The following EPAS1 variants were observed in gnomAD, a reference collection of about 807,000 sequenced individuals.
The protein encoded by EPAS1 is endothelial PAS domain-containing protein 1.
EPAS1 carries 23 observed loss-of-function variants against 87.9 expected under a neutral mutation model. The observed-to-expected ratio is 0.26, with a 90% CI of 0.19 to 0.37. The LOEUF (loss-of-function observed/expected upper bound fraction) is 0.37, where lower values mean the gene tolerates loss of function less well. Ranked by LOEUF, EPAS1 falls within the 10% of genes least tolerant of loss-of-function variation. EPAS1 has a pLI of 1.00. For missense variants in EPAS1, 1,138 were observed against 1,120.7 expected (o/e 1.02, Z -0.22); for synonymous variants, 508 against 444.3 (o/e 1.14, Z -1.80).
intron 7 of EPAS1, among the ~76,000 whole-genome samples, chr2:46,370,684 T>C (rs1684609959): frequency 6.6e-6 from 1 of 152,230 alleles, no homozygotes; most frequent in Admixed American, 6.5e-5. Flanking sequence ...CTGAACTTTA[T>C]ACAATGTAGT....
rs1432507899 is a variant in EPAS1, at chr2:46,380,016, T to C, written c.1555-211T>C. 9 of 727,074 alleles carry C rather than the reference T, an allele frequency of 1.2e-5. No individual in the cohort carries two copies. The East Asian group carries it at 1.8e-4, about 14-fold the overall frequency. 45.0% of individuals were successfully genotyped at this position (727,074 alleles called of 1,614,324 possible). A position where few individuals can be genotyped will look rare whatever the true frequency, so the allele number is the denominator to read the frequency against. Reference sequence around the variant, plus strand: ...GTGCAGGGTGAAGAGGGGATAAACATGGGGGAAGGCTGGTACATGATACAA... The same window carrying C: ...GTGCAGGGTGAAGAGGGGATAAACACGGGGGAAGGCTGGTACATGATACAA... On this transcript the variant is annotated intron_variant, in intron 11 of 15. Transcript: ENST00000263734. The surrounding 1 kb of genome is among the most constrained non-coding windows in gnomAD (Gnocchi z 4.4).
Position 46,382,700 on chromosome 2 carries a change from A to T in EPAS1, c.2461+102A>T, listed in dbSNP as rs1340900268. On this transcript the variant is annotated intron_variant, in intron 15 of 15. Coordinates refer to ENST00000263734, the MANE Select transcript of EPAS1 (RefSeq NM_001430.5). ...CGTCTGCACAGTGCCAGGCACAGGG[A>T]GGTGCTTGACTTGAAGTCACCTATA... The T allele has an allele frequency of 1.9e-5, 29 of 1,494,418 alleles. No homozygotes were observed. In the East Asian group the frequency reaches 6.6e-4, roughly 34 times the overall value. 92.6% of individuals were successfully genotyped at this position (1,494,418 alleles called of 1,614,324 possible).
rs543953666 is a variant in EPAS1, at chr2:46,298,257, T to A, written c.26+320T>A. 2.0e-5 allele frequency among the ~76,000 whole-genome samples: 3 copies of A among 152,342 alleles called. No individual in the cohort carries two copies. The South Asian group carries it at 6.2e-4, about 32-fold the overall frequency. On this transcript the variant is annotated intron_variant, in intron 1 of 15. Coordinates refer to ENST00000263734, the MANE Select transcript of EPAS1 (RefSeq NM_001430.5). ...AATCTCCCAGCCGCCCCGCAGCAGA[T>A]TACCGTGGCCACCGGCGCTTGGAAA...
At chr2:46,308,675 T>TATC (rs1683155716) in intron 1 of EPAS1, among the ~76,000 whole-genome samples, 1 of 152,188 alleles carries the variant, frequency 6.6e-6, no homozygotes, top group Admixed American at 6.5e-5. Context: ...GATACATAAC[T>TATC]TTATATCAGA....
chr2:46,314,621 A>G (rs986704633), intron 1 of EPAS1, among the ~76,000 whole-genome samples: 2 of 152,210 alleles, frequency 1.3e-5, no homozygotes, highest in East Asian at 1.9e-4. Context: ...GAGATCCCCA[A>G]TAGGGTTCTA....
intron 2 of EPAS1, among the ~76,000 whole-genome samples, chr2:46,350,504 C>T (rs1684126209): frequency 1.3e-5 from 2 of 152,180 alleles, no homozygotes; most frequent in South Asian, 4.1e-4. Context: ...GATTGAGATT[C>T]GTATCACAGG....
At chr2:46,345,191 G>C (rs573932493) in intron 1 of EPAS1, among the ~76,000 whole-genome samples, 1 of 152,148 alleles carries the variant, frequency 6.6e-6, no homozygotes, top group South Asian at 2.1e-4. Context: ...TATTGCCCGG[G>C]CTGGTCTTGA....
intron 14 of EPAS1, 146 bp downstream of exon 14, chr2:46,382,235 C>T: frequency 9.6e-7 from 1 of 1,046,648 alleles, no homozygotes; most frequent in Middle Eastern, 2.3e-4. Flanking sequence ...TCTGTCTCTC[C>T]CGCAGTCCCA....
At chr2:46,365,108 G>A (rs1046337758) in intron 6 of EPAS1, among the ~76,000 whole-genome samples, 1 of 152,220 alleles carries the variant, frequency 6.6e-6, no homozygotes, top group African/African-American at 2.4e-5. Flanking sequence ...AAGCCAAGCC[G>A]TCAGGGAGAT....
chr2:46,299,585 C>T (rs1018077397), intron 1 of EPAS1, among the ~76,000 whole-genome samples: 5 of 152,128 alleles, frequency 3.3e-5, no homozygotes, highest in Non-Finnish European at 7.3e-5. Flanking sequence ...CTTTCGGGTC[C>T]GGAGCCGGGG....
intron 6 of EPAS1, among the ~76,000 whole-genome samples, chr2:46,368,501 T>G (rs939947088): frequency 1.3e-5 from 2 of 152,130 alleles, no homozygotes; most frequent in African/African-American, 4.8e-5. Context: ...TTGGCAAAAG[T>G]GAAAGCTGTA....
At chr2:46,356,128 G>GGGGGGGGGGGC in intron 2 of EPAS1, 23 bp from the exon 3 acceptor site, 2 of 1,432,142 alleles carry the variant, frequency 1.4e-6, no homozygotes, top group Non-Finnish European at 1.9e-6. Flanking sequence ...CATGCAAGCT[G>GGGGGGGGGGGC]TCCCACCCCC....
At chr2:46,315,376 G>C (rs1683294101) in intron 1 of EPAS1, among the ~76,000 whole-genome samples, 1 of 152,182 alleles carries the variant, frequency 6.6e-6, no homozygotes, top group African/African-American at 2.4e-5. Context: ...GAGTCACAGT[G>C]CATAAGTGTT....
rs2103662506 is a variant in EPAS1, at chr2:46,375,787, C to T, written c.984C>T (p.Asn328=). The change falls in exon 8 of 16, where the codon AAC becomes AAT. Residue 328 remains asparagine, a synonymous_variant. Transcript: ENST00000263734. This position sits in a 1 kb window ranked among gnomAD's most constrained non-coding sequence, Gnocchi z 4.1. ...AGACCCAGGGGACGGTCATCTACAA[C>T]CCTCGCAACCTGCAGCCCCAGTGCA... ...WLETQGTVIY[N]PRNLQPQCIM... 1 of 1,614,244 alleles carries T rather than the reference C, an allele frequency of 6.2e-7. No individual in the cohort carries two copies. The highest frequency in any genetic ancestry group is 1.7e-5 in the Admixed American group (1 of 60,032).
chr2:46,356,127 T>TGGGGGGGGGGGGGGGGGGGGGGGGGGGG, intron 2 of EPAS1, 24 bp from the exon 3 acceptor site: 115 of 1,395,258 alleles, frequency 8.2e-5, no homozygotes, highest in Middle Eastern at 2.1e-4. Flanking sequence ...TCATGCAAGC[T>TGGGGGGGGGGGGGGGGGGGGGGGGGGGG]GTCCCACCCC....
chr2:46,372,210 C>T (rs1684640447), intron 7 of EPAS1, among the ~76,000 whole-genome samples: 1 of 152,142 alleles, frequency 6.6e-6, no homozygotes, highest in African/African-American at 2.4e-5. Flanking sequence ...CCATAGCTAG[C>T]AAAGGGACAA....
intron 3 of EPAS1, 109 bp downstream of exon 3, chr2:46,356,411 C>T: frequency 5.0e-6 from 7 of 1,408,762 alleles, no homozygotes; most frequent in Non-Finnish European, 6.9e-6. Flanking sequence ...TGCAAATGCC[C>T]ACGGTGACCC....
At chr2:46,332,332 G>GTATA (rs35565221) in intron 1 of EPAS1, among the ~76,000 whole-genome samples, 1,843 of 142,182 alleles carry the variant, frequency 0.013, 21 homozygotes, top group Non-Finnish European at 0.02. Context: ...GTGTGTGTGT[G>GTATA]TATCAACTTG....
intron 6 of EPAS1, among the ~76,000 whole-genome samples, chr2:46,362,623 C>T (rs578118939): frequency 6.6e-6 from 1 of 152,318 alleles, no homozygotes; most frequent in African/African-American, 2.4e-5. Context: ...GCTGGACATC[C>T]CAAGGGCATC....
Sources: allele counts gnomAD v4.1 joint callset (sites outside exome capture counted in the v4.1 genomes callset), GRCh38; gene constraint gnomAD v4.1.1; non-coding constraint Gnocchi (gnomAD v3.1); transcripts MANE v1.5; gene names NCBI Gene and HGNC (gene_info 2026-07-23, HGNC 2026-07-21).